Variants in PRAMEF20 observed in about 807,000 individuals in gnomAD.
PRAMEF20 encodes PRAME family member 20/21.
A neutral mutation model predicts 32.4 loss-of-function variants in PRAMEF20; 27 were observed. That is an observed-to-expected ratio of 0.83 (90% confidence interval 0.61 to 1.15). The LOEUF (loss-of-function observed/expected upper bound fraction) is 1.15, where lower values mean the gene tolerates loss of function less well. Ranked by LOEUF, PRAMEF20 falls within the 50% of genes most tolerant of loss-of-function variation. The pLI is 0.00. For missense variants in PRAMEF20, 604 were observed against 584.5 expected (o/e 1.03, Z -0.34); for synonymous variants, 256 against 235.4 (o/e 1.09, Z -0.80).
chr1:13,419,128 AT>A (rs1641215611), intron 2 of PRAMEF20, among the ~76,000 whole-genome samples: 1 of 152,162 alleles, frequency 6.6e-6, no homozygotes, highest in African/African-American at 2.4e-5. Flanking sequence ...TGTCTAAAAA[AT>A]AAATAAATAA....
intron 1 of PRAMEF20, among the ~76,000 whole-genome samples, chr1:13,417,804 C>T (rs1416658468): frequency 2.8e-5 from 4 of 145,068 alleles, no homozygotes; most frequent in East Asian, 4.3e-4. Context: ...TGCAGTGGCG[C>T]GATCTCAGCT....
rs1641202387 is a variant in PRAMEF20 at position 13,418,121 on chromosome 1, G to A, written c.288-1G>A. 3 of 1,612,088 alleles carry A rather than the reference G, an allele frequency of 1.9e-6. No individual in the cohort carries two copies. The East Asian group carries it at 6.7e-5, about 36-fold the overall frequency. On this transcript the variant is annotated splice_acceptor_variant, in intron 1 of 2. Transcript: ENST00000602960. LOFTEE classifies it high-confidence loss of function. ...TCAGCCTCTCTTCTATTTTTCCTCA[G>A]GAGGTGGAAACTTCAAGTGCTGGAT...
At chr1:13,417,912 GTGTGTGT>G (rs1432237082) in intron 1 of PRAMEF20, among the ~76,000 whole-genome samples, 2 of 73,622 alleles carry the variant, frequency 2.7e-5, no homozygotes, top group Admixed American at 2.5e-4. Context: ...CGGCTAATTT[GTGTGTGT>G]GTGTGTGTGT....
chr1:13,417,975 C>T lies in PRAMEF20; in HGVS notation c.288-147C>T, dbSNP rs977813518. 3.2e-4 allele frequency: 316 copies of T among 995,508 alleles called. 12 individuals are homozygous for T. In the South Asian group the frequency reaches 4.2e-3, roughly 13 times the overall value. The allele number at this position is 995,508 out of a possible 1,614,324, so 61.7% of individuals were successfully genotyped here. A position where few individuals can be genotyped will look rare whatever the true frequency, so the allele number is the denominator to read the frequency against. On this transcript the variant is annotated intron_variant, in intron 1 of 2. Coordinates refer to ENST00000602960, the Ensembl canonical transcript of PRAMEF20. ...GTGTTTAGTAGAGACGGGGTTTCAC[C>T]ATGCTAGCCAGGATGTTCTCGATCT...
Position 13,418,716 on chromosome 1 carries a change from G to A in PRAMEF20, c.866+16G>A. 1.2e-6 allele frequency: 2 copies of A among 1,612,936 alleles called. No individual in the cohort carries two copies. The highest frequency in any genetic ancestry group is 1.7e-6 in the Non-Finnish European group (2 of 1,179,868). ...AGATGCTCAGGTGAGGAAGGGTAGT[G>A]AGCTTTCTCTGCAGACCACAGCAGA... On this transcript the variant is annotated intron_variant, in intron 2 of 2. Coordinates refer to ENST00000602960, the Ensembl canonical transcript of PRAMEF20.
Position 13,417,766 on chromosome 1 carries a change from T to C in PRAMEF20, c.288-356T>C, listed in dbSNP as rs1399480288. On this transcript the variant is annotated intron_variant, in intron 1 of 2. Transcript: ENST00000602960. ...TTTTTTTTTTTCTGAGACGGAGTCT[T>C]GCTCTGTCGCCCAGGCTGGGGCTAG... is the stretch of plus-strand genomic sequence containing the variant. Among the ~76,000 whole-genome samples the C allele has an allele frequency of 4.7e-3, 668 of 142,454 alleles. 7 individuals are homozygous for C. Among genetic ancestry groups the C allele is most frequent in the African/African-American group, 0.017 (632 of 38,126 alleles). 93.5% of individuals were successfully genotyped at this position (142,454 alleles called of 152,430 possible). A position where few individuals can be genotyped will look rare whatever the true frequency, so the allele number is the denominator to read the frequency against.
exon 3 of PRAMEF20, chr1:13,420,784 C>T (rs1383552854): frequency 1.6e-5 from 25 of 1,605,650 alleles, no homozygotes; most frequent in Non-Finnish European, 1.9e-5. Context: ...AGTACCCGAG[C>T]ATTGGTCAAC....
chr1:13,411,753 T>C (rs936474829), upstream of PRAMEF20, among the ~76,000 whole-genome samples: 3 of 152,188 alleles, frequency 2.0e-5, no homozygotes, highest in Non-Finnish European at 4.4e-5. Context: ...TTTGAAGAGT[T>C]TGGGCAAAGT....
exon 3 of PRAMEF20, chr1:13,420,923 C>A: frequency 6.2e-7 from 1 of 1,613,766 alleles, no homozygotes; most frequent in Non-Finnish European, 8.5e-7. Flanking sequence ...CGTAGACTCC[C>A]AAGTCAACGC....
At chr1:13,415,841 AAAG>A (rs1641163932), upstream of PRAMEF20, among the ~76,000 whole-genome samples, 1 of 152,030 alleles carries the variant, frequency 6.6e-6, no homozygotes, top group Non-Finnish European at 1.5e-5. Flanking sequence ...GGAAAGAAGG[AAAG>A]AAGAAAGGGA....
At chr1:13,419,301 G>A (rs1246461417) in intron 2 of PRAMEF20, among the ~76,000 whole-genome samples, 4 of 151,408 alleles carry the variant, frequency 2.6e-5, no homozygotes, top group Admixed American at 6.6e-5. Flanking sequence ...TTACAGGCAC[G>A]GGCCACCACT....
At chr1:13,411,555 T>C (rs1641114317), upstream of PRAMEF20, among the ~76,000 whole-genome samples, 1 of 152,164 alleles carries the variant, frequency 6.6e-6, no homozygotes. Flanking sequence ...AATGGCCTTA[T>C]GGTCATTATC....
chr1:13,418,710 G>C lies in PRAMEF20; in HGVS notation c.866+10G>C, dbSNP rs1641211506. On this transcript the variant is annotated intron_variant, in intron 2 of 2. Coordinates refer to ENST00000602960, the Ensembl canonical transcript of PRAMEF20. The stretch of plus-strand genomic sequence containing the variant: ...TGGACCAGATGCTCAGGTGAGGAAG[G>C]GTAGTGAGCTTTCTCTGCAGACCAC... 1 of 1,613,106 alleles carries C rather than the reference G, an allele frequency of 6.2e-7. No individual in the cohort carries two copies. Among genetic ancestry groups the C allele is most frequent in the South Asian group, 1.1e-5 (1 of 91,052 alleles).
chr1:13,419,638 A>T (rs1641220667), intron 2 of PRAMEF20, among the ~76,000 whole-genome samples: 1 of 151,808 alleles, frequency 6.6e-6, no homozygotes. Context: ...GTTAGCCAGG[A>T]TGGTCTCGAT....
At chr1:13,411,565 C>T (rs1641114386), upstream of PRAMEF20, among the ~76,000 whole-genome samples, 1 of 152,126 alleles carries the variant, frequency 6.6e-6, no homozygotes, top group Admixed American at 6.6e-5. Flanking sequence ...TGGTCATTAT[C>T]CTGGGTGTAA....
At chr1:13,420,992 C>G (rs1641236577) in exon 3 of PRAMEF20, 1 of 1,613,832 alleles carries the variant, frequency 6.2e-7, no homozygotes, top group Non-Finnish European at 8.5e-7. Context: ...CCGTGGAAAT[C>G]CCATCTCCAC....
At chr1:13,420,001 C>A (rs1641225842) in intron 2 of PRAMEF20, among the ~76,000 whole-genome samples, 1 of 152,108 alleles carries the variant, frequency 6.6e-6, no homozygotes, top group Non-Finnish European at 1.5e-5. Context: ...ATGATACAGG[C>A]GTGTCAGGGA....
chr1:13,419,847 C>T (rs1641222893), intron 2 of PRAMEF20, among the ~76,000 whole-genome samples: 2 of 152,150 alleles, frequency 1.3e-5, no homozygotes, highest in African/African-American at 2.4e-5. Flanking sequence ...GCTTGGTGAA[C>T]ATGAATGATC....
chr1:13,419,263 C>T (rs1641216797), intron 2 of PRAMEF20, among the ~76,000 whole-genome samples: 1 of 152,128 alleles, frequency 6.6e-6, no homozygotes, highest in Non-Finnish European at 1.5e-5. Flanking sequence ...AAGCAATTCT[C>T]CTGCCTCTGC....
Sources: allele counts gnomAD v4.1 joint callset (sites outside exome capture counted in the v4.1 genomes callset), GRCh38; gene constraint gnomAD v4.1.1; transcripts MANE v1.5; gene names NCBI Gene and HGNC (gene_info 2026-07-23, HGNC 2026-07-21).